XRN1: variants seen among roughly 807,000 people sequenced by gnomAD.
XRN1 encodes 5'-3' exoribonuclease 1, also known as strand-exchange protein 1 homolog.
XRN1 carries 67 observed loss-of-function variants against 222.3 expected under a neutral mutation model. The observed-to-expected ratio is 0.30, with a 90% CI of 0.25 to 0.37. The LOEUF (loss-of-function observed/expected upper bound fraction) is 0.37, where lower values mean the gene tolerates loss of function less well. Ranked by LOEUF, XRN1 falls within the 10% of genes least tolerant of loss-of-function variation. The pLI is 1.00. For synonymous variants in XRN1, 643 were observed against 652.4 expected (o/e 0.99, Z 0.22); for missense variants, 1,707 against 2,000.2 (o/e 0.85, Z 2.80).
intron 16 of XRN1, 115 bp from the exon 17 acceptor site, chr3:142,404,104 T>C (rs1240485037): frequency 2.6e-5 from 23 of 891,060 alleles, no homozygotes; most frequent in Non-Finnish European, 3.2e-5. Flanking sequence ...AAGAAGAGAA[T>C]GACAATTAGT....
chr3:142,352,034 T>C (rs1222296706), intron 32 of XRN1, among the ~76,000 whole-genome samples: 1 of 152,198 alleles, frequency 6.6e-6, no homozygotes, highest in Non-Finnish European at 1.5e-5. Context: ...CTTTCTAACA[T>C]TATTTTTACA....
At chr3:142,410,205 T>C (rs1261365777) in intron 15 of XRN1, among the ~76,000 whole-genome samples, 3 of 152,224 alleles carry the variant, frequency 2.0e-5, no homozygotes, top group African/African-American at 7.2e-5. Flanking sequence ...AATTGGTCCT[T>C]CTTTTACTAT....
chr3:142,313,075 T>G, intron 39 of XRN1: 374 of 1,537,204 alleles, frequency 2.4e-4, no homozygotes, highest in Middle Eastern at 3.5e-4. Flanking sequence ...AAAAGGGTCA[T>G]GAAATTGTCC....
intron 20 of XRN1, among the ~76,000 whole-genome samples, chr3:142,391,802 C>T (rs73238173): frequency 6.9e-6 from 1 of 144,838 alleles, no homozygotes; most frequent in Non-Finnish European, 1.5e-5. Flanking sequence ...ATTGTATTTT[C>T]TTACTATCCT....
intron 1 of XRN1, among the ~76,000 whole-genome samples, chr3:142,437,436 T>A (rs796194893): frequency 3.3e-5 from 5 of 152,312 alleles, no homozygotes; most frequent in African/African-American, 1.2e-4. Flanking sequence ...AGTTTAGCTA[T>A]TTTTCTAAAA....
At chr3:142,361,286 C>T (rs546873213) in intron 29 of XRN1, among the ~76,000 whole-genome samples, 1 of 152,178 alleles carries the variant, frequency 6.6e-6, no homozygotes, top group African/African-American at 2.4e-5. Flanking sequence ...CATTCATCTG[C>T]TGATGGGGAT....
At chr3:142,426,188 T>C (rs994722195) in intron 3 of XRN1, among the ~76,000 whole-genome samples, 1 of 152,150 alleles carries the variant, frequency 6.6e-6, no homozygotes, top group African/African-American at 2.4e-5. Context: ...AGATTTTCAT[T>C]CAAAGTAAAG....
In XRN1 at chr3:142,359,874, C is replaced by G. The variant is rs1337078590; in HGVS notation, c.3452G>C (p.Gly1151Ala). ...GGGAAATACAAACCTTATTGTTAAC[C>G]CTCCAGGAAATTCTTCATCAAATAA... ...EVLFDEEFPG[G>A]LTIRCSPGRG... Residue 1151 changes from glycine (G) to alanine (A), a missense_variant, in exon 30 of 41, where the codon GGG becomes GCG. Gly to Ala is a moderately conservative substitution (Grantham distance 60). Transcript: ENST00000392981. 7 of 1,603,872 alleles carry G rather than the reference C, an allele frequency of 4.4e-6. No individual in the cohort carries two copies. The highest frequency in any genetic ancestry group is 6.0e-6 in the Non-Finnish European group (7 of 1,173,448).
intron 27 of XRN1, 67 bp from the exon 28 acceptor site, chr3:142,365,433 T>G: frequency 8.5e-7 from 1 of 1,175,546 alleles, no homozygotes; most frequent in Non-Finnish European, 1.2e-6. Flanking sequence ...ACCTACTCAC[T>G]ACTTCCACAT....
At chr3:142,335,277 T>A (rs1411583245) in intron 34 of XRN1, among the ~76,000 whole-genome samples, 171 bp downstream of exon 34, 4 of 152,138 alleles carry the variant, frequency 2.6e-5, no homozygotes, top group Admixed American at 2.6e-4. Flanking sequence ...AATCCAGGAC[T>A]TTAGGTGTAC....
At position 142,385,982 on chromosome 3, in the gene XRN1, T is replaced by C. The variant is rs912988110; in HGVS notation, c.2340-1297A>G. On this transcript the variant is annotated intron_variant, in intron 20 of 40. Coordinates refer to ENST00000392981, the MANE Select transcript of XRN1 (RefSeq NM_001282857.2). ...TAGACTATATAAATAGCATATAATA[T>C]AGTATATAATTATATAACACGTTAT... Among the ~76,000 whole-genome samples, 7 of 151,372 alleles carry C rather than the reference T, an allele frequency of 4.6e-5. No homozygotes were observed. In the East Asian group the frequency reaches 1.4e-3, roughly 29 times the overall value.
intron 19 of XRN1, 33 bp downstream of exon 19, chr3:142,400,411 T>C (rs1033076186): frequency 2.6e-6 from 4 of 1,529,398 alleles, no homozygotes; most frequent in Non-Finnish European, 3.6e-6. Context: ...AGCAAATATA[T>C]GTTAGAAAAA....
chr3:142,426,970 AG>A (rs759469722), intron 2 of XRN1, 129 bp from the exon 3 acceptor site: 60 of 648,212 alleles, frequency 9.3e-5, no homozygotes, highest in Admixed American at 1.5e-4. Flanking sequence ...AAAACATACA[AG>A]TTTTGAAATG....
chr3:142,380,550 G>A (rs2067273470), intron 22 of XRN1, among the ~76,000 whole-genome samples: 1 of 152,052 alleles, frequency 6.6e-6, no homozygotes, highest in Non-Finnish European at 1.5e-5. Flanking sequence ...CTAAAGTGGT[G>A]GGATCACAGC....
chr3:142,355,801 G>GGTTGCCATGTTTTGCTGT (rs2066452292), intron 31 of XRN1, among the ~76,000 whole-genome samples: 1 of 151,824 alleles, frequency 6.6e-6, no homozygotes, highest in African/African-American at 2.4e-5. Context: ...TCTAGGGATG[G>GGTTGCCATGTTTTGCTGT]GTTGCCATGT....
At chr3:142,392,838 C>G (rs1301382684) in intron 20 of XRN1, among the ~76,000 whole-genome samples, 1 of 151,562 alleles carries the variant, frequency 6.6e-6, no homozygotes, top group African/African-American at 2.4e-5. Context: ...GGGTATATAC[C>G]CCGTAATGGG....
chr3:142,328,896 C>A (rs1366589827), intron 37 of XRN1, among the ~76,000 whole-genome samples: 18 of 149,800 alleles, frequency 1.2e-4, no homozygotes, highest in African/African-American at 4.4e-4. Flanking sequence ...GCTGGGACTA[C>A]AGGCTCACAA....
intron 33 of XRN1, among the ~76,000 whole-genome samples, chr3:142,346,864 A>G (rs925576814): frequency 1.3e-5 from 2 of 152,216 alleles, no homozygotes; most frequent in Non-Finnish European, 2.9e-5. Context: ...AACATGCTAC[A>G]ACATAGATAA....
At chr3:142,385,387 A>T (rs1367540499) in intron 20 of XRN1, among the ~76,000 whole-genome samples, 1 of 152,238 alleles carries the variant, frequency 6.6e-6, no homozygotes, top group Admixed American at 6.5e-5. Context: ...ATATCATATG[A>T]TTCCATTTAT....
Sources: allele counts gnomAD v4.1 joint callset (sites outside exome capture counted in the v4.1 genomes callset), GRCh38; gene constraint gnomAD v4.1.1; transcripts MANE v1.5; gene names NCBI Gene and HGNC (gene_info 2026-07-23, HGNC 2026-07-21).